MARCHF1: variants seen among roughly 807,000 people sequenced by gnomAD.
The protein encoded by MARCHF1 is membrane associated ring-CH-type finger 1.
Under a neutral mutation model 54.2 loss-of-function variants are expected in MARCHF1, and 40 were observed. The ratio of observed to expected loss-of-function variants is 0.74; its 90% CI spans 0.57 to 0.96. The LOEUF is 0.96. Ranked by LOEUF, MARCHF1 falls within the 40% of genes least tolerant of loss-of-function variation. The pLI, the probability that MARCHF1 is intolerant of heterozygous loss-of-function variation, is 0.00. For missense variants in MARCHF1, 586 were observed against 656.5 expected, an observed-to-expected ratio of 0.89 and a Z score of 1.17; for synonymous variants, 236 against 236.3, an observed-to-expected ratio of 1.00 and a Z score of 0.01.
intron 4 of MARCHF1, among the ~76,000 whole-genome samples, chr4:163,714,155 G>A (rs1222423120): frequency 6.6e-6 from 1 of 152,088 alleles, no homozygotes; most frequent in Admixed American, 6.6e-5. Context: ...AGGATTTCTG[G>A]CACATGTTTC....
intron 1 of MARCHF1, among the ~76,000 whole-genome samples, chr4:164,224,620 G>T (rs1732200975): frequency 6.6e-6 from 1 of 151,848 alleles, no homozygotes; most frequent in Non-Finnish European, 1.5e-5. Context: ...TTTTCTATTT[G>T]TAACTTATAA....
At chr4:163,614,718 C>A (rs1741457193) in intron 5 of MARCHF1, among the ~76,000 whole-genome samples, 1 of 152,036 alleles carries the variant, frequency 6.6e-6, no homozygotes, top group Non-Finnish European at 1.5e-5. Flanking sequence ...AATATTTTAC[C>A]TTTTATGGTA....
At chr4:164,380,453 C>T (rs983368632) in intron 1 of MARCHF1, among the ~76,000 whole-genome samples, 8 of 152,102 alleles carry the variant, frequency 5.3e-5, no homozygotes, top group African/African-American at 2.4e-5. Context: ...TTACAGACTC[C>T]GACCCTTGTC....
intron 3 of MARCHF1, among the ~76,000 whole-genome samples, chr4:163,932,141 G>T (rs935715189): frequency 6.6e-6 from 1 of 151,822 alleles, no homozygotes; most frequent in African/African-American, 2.4e-5. Flanking sequence ...GCTAATGATT[G>T]CCTTATCTTT....
At chr4:163,956,470 C>A (rs552334033) in intron 3 of MARCHF1, among the ~76,000 whole-genome samples, 2 of 152,100 alleles carry the variant, frequency 1.3e-5, no homozygotes, top group South Asian at 4.1e-4. Context: ...TGAGGGGACT[C>A]GATAGTATTC....
chr4:164,055,382 T>G (rs1190652607), intron 2 of MARCHF1: 1 of 151,206 alleles, frequency 6.6e-6, no homozygotes, highest in African/African-American at 2.4e-5. Context: ...TGGCGGAGGT[T>G]GCAGTGAGCC....
intron 2 of MARCHF1, among the ~76,000 whole-genome samples, chr4:164,047,987 T>C (rs1754277215): frequency 2.0e-5 from 3 of 152,170 alleles, no homozygotes; most frequent in East Asian, 3.8e-4. Context: ...TATTCAAAAT[T>C]CTCTCAGAAG....
chr4:164,064,930 C>A (rs1458391668), intron 2 of MARCHF1, among the ~76,000 whole-genome samples: 46 of 152,030 alleles, frequency 3.0e-4, no homozygotes, highest in Admixed American at 2.9e-3. Context: ...GTCTTTAGTT[C>A]TGTTTATGTG....
intron 3 of MARCHF1, among the ~76,000 whole-genome samples, chr4:163,946,254 C>T (rs1351413594): frequency 6.6e-6 from 1 of 152,102 alleles, no homozygotes; most frequent in Non-Finnish European, 1.5e-5. Flanking sequence ...GGGCTTTACA[C>T]TCCAGGGTTT....
At chr4:164,107,367 T>C (rs1383742782) in intron 2 of MARCHF1, among the ~76,000 whole-genome samples, 1 of 152,122 alleles carries the variant, frequency 6.6e-6, no homozygotes, top group African/African-American at 2.4e-5. Flanking sequence ...ATTTCTTTTC[T>C]TATTAACTTT....
In MARCHF1 at chr4:164,267,992, G is replaced by GAA. The variant is rs201654694; in HGVS notation, c.-323+115876_-323+115877dup. Among the ~76,000 whole-genome samples, 3 of 150,330 alleles carry GAA rather than the reference G, an allele frequency of 2.0e-5. No individual in the cohort carries two copies. In the East Asian group the frequency reaches 5.9e-4, roughly 29 times the overall value. On this transcript the variant is annotated intron_variant, in intron 1 of 9. Transcript: ENST00000514618. ...GATAGCAGTCCAAAATGCCAGGTAG[G>GAA]AAAAAAAAATCCTCTCTGGACAAAT... is the stretch of plus-strand genomic sequence containing the variant.
chr4:163,613,681 G>A, intron 5 of MARCHF1: 1 of 1,239,600 alleles, frequency 8.1e-7, no homozygotes, highest in Non-Finnish European at 1.1e-6. Flanking sequence ...TCATTTGAGT[G>A]GAATAGCTCA....
intron 7 of MARCHF1, among the ~76,000 whole-genome samples, chr4:163,594,584 A>G (rs1452151729): frequency 6.6e-6 from 1 of 151,962 alleles, no homozygotes; most frequent in African/African-American, 2.4e-5. Flanking sequence ...AAAAATTAAG[A>G]TTACATTAAA....
intron 4 of MARCHF1, among the ~76,000 whole-genome samples, chr4:163,767,556 G>A (rs1254599213): frequency 6.6e-6 from 1 of 151,890 alleles, no homozygotes; most frequent in Admixed American, 6.6e-5. Context: ...GGATGGTCTC[G>A]ATCTCCTGAC....
At chr4:163,871,470 TA>T in intron 3 of MARCHF1, among the ~76,000 whole-genome samples, 1 of 152,246 alleles carries the variant, frequency 6.6e-6, no homozygotes, top group East Asian at 1.9e-4. Context: ...ACCCCCCCAC[TA>T]AGGGTGCTGT....
chr4:163,920,090 C>T (rs962687623), intron 3 of MARCHF1, among the ~76,000 whole-genome samples: 2 of 120,454 alleles, frequency 1.7e-5, no homozygotes, highest in African/African-American at 1.0e-4. Context: ...TAGGTAACCA[C>T]GTGTAAATGT....
chr4:164,104,853 A>T (rs199705433), intron 2 of MARCHF1, among the ~76,000 whole-genome samples: 3 of 40,916 alleles, frequency 7.3e-5, no homozygotes, highest in African/African-American at 1.1e-4. Flanking sequence ...ACATGATTGT[A>T]TATCTAGAAA....
At chr4:163,665,308 T>A (rs2111111708) in intron 5 of MARCHF1, among the ~76,000 whole-genome samples, 1 of 152,222 alleles carries the variant, frequency 6.6e-6, no homozygotes, top group Non-Finnish European at 1.5e-5. Context: ...AAGGATATGA[T>A]TGAAGAGAGA....
chr4:163,563,402 T>C (rs1739536981), intron 8 of MARCHF1, among the ~76,000 whole-genome samples: 1 of 152,210 alleles, frequency 6.6e-6, no homozygotes, highest in African/African-American at 2.4e-5. Flanking sequence ...AAATGTACTA[T>C]TTTCTTTCCT....
Sources: gnomAD v4.1 joint callset for allele counts (sites outside exome capture counted in the v4.1 genomes callset) on GRCh38, gnomAD v4.1.1 for gene constraint, MANE v1.5 for transcripts, NCBI Gene and HGNC (gene_info 2026-07-23, HGNC 2026-07-21) for gene names.